PDE6A: variants seen among roughly 807,000 people sequenced by gnomAD.
The protein encoded by PDE6A is phosphodiesterase 6A, also known as rod cGMP-specific 3',5'-cyclic phosphodiesterase subunit alpha.
PDE6A carries 84 observed loss-of-function variants against 106.3 expected under a neutral mutation model. That is an observed-to-expected ratio of 0.79 (90% CI 0.66 to 0.95). The LOEUF is 0.95. PDE6A is among the 40% of genes least tolerant of loss of function. PDE6A has a pLI of 0.00. For synonymous variants in PDE6A, 394 were observed against 386.6 expected (o/e 1.02, Z -0.23); for missense variants, 1,052 against 1,084.9 (o/e 0.97, Z 0.43).
rs920150643 is a variant in PDE6A at position 149,932,565 on chromosome 5, T to C, written c.717+1365A>G. ...TCCTTTTTGGAATCCCTGTTCCAGG[T>C]TGGCGTTTGGCGGTGCTACTTTTAA... is the stretch of plus-strand genomic sequence containing the variant. On this transcript the variant is annotated intron_variant, in intron 3 of 21. Transcript: ENST00000255266. 5 of 1,494,384 alleles carry C rather than the reference T, an allele frequency of 3.3e-6. No homozygotes were observed. The African/African-American group carries it at 4.1e-5, about 12-fold the overall frequency. The allele number at this position is 1,494,384 out of a possible 1,614,324, so 92.6% of individuals were successfully genotyped here.
intron 5 of PDE6A, among the ~76,000 whole-genome samples, chr5:149,920,265 C>T (rs1753664121): frequency 6.6e-6 from 1 of 151,964 alleles, no homozygotes; most frequent in Admixed American, 6.6e-5. Flanking sequence ...AAAATGAAAG[C>T]AGGGCACAGA....
intron 21 of PDE6A, among the ~76,000 whole-genome samples, chr5:149,862,576 T>C (rs1353324407): frequency 6.6e-6 from 1 of 152,052 alleles, no homozygotes; most frequent in African/African-American, 2.4e-5. Context: ...CTGGCCAACA[T>C]GGTGAAACGC....
At chr5:149,901,965 C>T (rs1348618655) in intron 8 of PDE6A, among the ~76,000 whole-genome samples, 1 of 152,126 alleles carries the variant, frequency 6.6e-6, no homozygotes, top group Non-Finnish European at 1.5e-5. Flanking sequence ...AGTGACAGGG[C>T]CCCCAGAGCT....
At chr5:149,864,778 G>A (rs953996711) in intron 20 of PDE6A, among the ~76,000 whole-genome samples, 4 of 152,294 alleles carry the variant, frequency 2.6e-5, no homozygotes, top group South Asian at 4.1e-4. Context: ...CCTGGGTTCC[G>A]GTCCAGGCTC....
intron 14 of PDE6A, among the ~76,000 whole-genome samples, chr5:149,885,862 A>C (rs542975672): frequency 6.6e-6 from 1 of 152,196 alleles, no homozygotes; most frequent in Non-Finnish European, 1.5e-5. Context: ...GGCCACCTGC[A>C]TTCCTTGCTT....
intron 17 of PDE6A, among the ~76,000 whole-genome samples, chr5:149,875,487 A>T (rs797014090): frequency 0.015 from 2,058 of 137,820 alleles, 22 homozygotes; most frequent in South Asian, 0.038. Context: ...CATACTGACT[A>T]TTTTTTTTTT....
intron 20 of PDE6A, among the ~76,000 whole-genome samples, chr5:149,864,481 A>G (rs113176846): frequency 1.1e-4 from 16 of 152,238 alleles, no homozygotes; most frequent in African/African-American, 3.6e-4. Flanking sequence ...ACCTCAAATG[A>G]TCCACCTGCC....
At chr5:149,870,963 GA>G (rs750777912) in intron 17 of PDE6A, among the ~76,000 whole-genome samples, 3 of 145,858 alleles carry the variant, frequency 2.1e-5, no homozygotes, top group African/African-American at 5.1e-5. Flanking sequence ...GAAAAGAAAA[GA>G]AAAAAAGAAC....
chr5:149,917,877 C>T (rs1753599378), intron 5 of PDE6A, among the ~76,000 whole-genome samples: 1 of 152,172 alleles, frequency 6.6e-6, no homozygotes, highest in Non-Finnish European at 1.5e-5. Context: ...TTATATGAAA[C>T]TGTCCTAATG....
At chr5:149,880,885 C>A (rs371594274) in intron 17 of PDE6A, among the ~76,000 whole-genome samples, 16 of 151,884 alleles carry the variant, frequency 1.1e-4, no homozygotes, top group African/African-American at 3.9e-4. Flanking sequence ...ATGGTGAAAC[C>A]CCGTCTCTAC....
In PDE6A at chr5:149,926,592, C is replaced by T. The variant is rs192670334; in HGVS notation, c.858+4436G>A. On this transcript the variant is annotated intron_variant, in intron 4 of 21. Transcript: ENST00000255266. ...AGATCCAGGAAAGATTTCCTCATTA[C>T]AGCACAAGAATCAATGACTATAAAG... Among the ~76,000 whole-genome samples, 13 of 152,284 alleles carry T rather than the reference C, an allele frequency of 8.5e-5. No individual in the cohort carries two copies. The East Asian group carries it at 2.5e-3, about 29-fold the overall frequency.
rs553333859 is a variant in PDE6A at position 149,896,195 on chromosome 5, T to A, written c.1620+161A>T. Among the ~76,000 whole-genome samples, 13 of 152,356 alleles carry A rather than the reference T, an allele frequency of 8.5e-5. No homozygotes were observed. In the South Asian group the frequency reaches 2.7e-3, roughly 32 times the overall value. ...GGACACAGAGGAACAGCGTGTCTCT[T>A]TTCTTATAAATGACTCATCTGTGCA... is the stretch of plus-strand genomic sequence containing the variant. On this transcript the variant is annotated intron_variant, in intron 12 of 21. Coordinates refer to ENST00000255266, the MANE Select transcript of PDE6A (RefSeq NM_000440.3).
At chr5:149,869,815 G>A (rs1025271626) in intron 17 of PDE6A, among the ~76,000 whole-genome samples, 10 of 152,160 alleles carry the variant, frequency 6.6e-5, no homozygotes, top group East Asian at 3.8e-4. Flanking sequence ...TGGCTGCGGC[G>A]GGGTGAGACC....
intron 1 of PDE6A, among the ~76,000 whole-genome samples, chr5:149,939,363 C>G (rs1754269288): frequency 6.6e-6 from 1 of 152,146 alleles, no homozygotes; most frequent in South Asian, 2.1e-4. Context: ...TCCTCAATCC[C>G]TTAACACCAA....
At chr5:149,928,231 A>ATATATATATT in intron 4 of PDE6A, among the ~76,000 whole-genome samples, 2 of 19,742 alleles carry the variant, frequency 1.0e-4, no homozygotes, top group Non-Finnish European at 1.7e-4. Context: ...ATATATATAT[A>ATATATATATT]TTTTTTTTTT....
chr5:149,909,486 A>G (rs545068940), intron 6 of PDE6A, among the ~76,000 whole-genome samples: 1 of 152,334 alleles, frequency 6.6e-6, no homozygotes, highest in African/African-American at 2.4e-5. Context: ...CAGAAGTGGT[A>G]GTAGCTCCCC....
chr5:149,931,143 A>C lies in PDE6A; in HGVS notation c.743T>G (p.Val248Gly). ...TTCGATGTCCGTAAGTTCTTCAAAG[A>C]CTTTGCTCCCAGACCACAGCAGTAT... ...GQILLWSGSK[V>G]FEELTDIERQ... The change falls in exon 4 of 22, where the codon GTC becomes GGC. Residue 248 changes from valine to glycine, a missense_variant. Physicochemically the swap from Val to Gly is moderately radical, Grantham distance 109. Around this residue, in one of 3 missense-constraint regions of PDE6A, gnomAD observed 913 missense variants for 915.2 expected, o/e 1.00. Transcript: ENST00000255266. The C allele has an allele frequency of 6.2e-7, 1 of 1,614,180 alleles. No individual in the cohort carries two copies. The highest frequency in any genetic ancestry group is 8.5e-7 in the Non-Finnish European group (1 of 1,180,026).
intron 4 of PDE6A, among the ~76,000 whole-genome samples, chr5:149,923,644 A>T (rs575464202): frequency 5.9e-5 from 9 of 152,350 alleles, no homozygotes; most frequent in Admixed American, 2.6e-4. Context: ...GAGCCAGCAA[A>T]GGAGCTGCAC....
At chr5:149,917,509 C>T (rs1007648931) in intron 5 of PDE6A, among the ~76,000 whole-genome samples, 4 of 152,140 alleles carry the variant, frequency 2.6e-5, no homozygotes, top group Non-Finnish European at 4.4e-5. Context: ...GGGAGAGGCT[C>T]TGCTGCTCAA....
Sources: gnomAD v4.1 joint callset for allele counts (sites outside exome capture counted in the v4.1 genomes callset) on GRCh38, gnomAD v4.1.1 for gene constraint, gnomAD v4.1.1 regional missense constraint, MANE v1.5 for transcripts, NCBI Gene and HGNC (gene_info 2026-07-23, HGNC 2026-07-21) for gene names.